ROPN1: variants seen among roughly 807,000 people sequenced by gnomAD.
ROPN1 encodes the protein rhophilin associated tail protein 1.
ROPN1 carries 14 observed loss-of-function variants against 20.5 expected under a neutral mutation model. The observed-to-expected ratio is 0.68, with a 90% CI of 0.45 to 1.07. ROPN1 has a LOEUF of 1.07. Among genes scored for constraint, ROPN1 ranks in the 50% least tolerant of loss-of-function variants. The probability of loss-of-function intolerance (pLI) is 0.00; values close to 1 mark genes in which losing one functional copy is unlikely to be tolerated. For synonymous variants in ROPN1, 76 were observed against 95.7 expected, an observed-to-expected ratio of 0.79 and a Z score of 1.20; for missense variants, 169 against 242.8, an observed-to-expected ratio of 0.70 and a Z score of 2.02.
intron 1 of ROPN1, chr3:123,991,272 G>T (rs2038404596): frequency 7.8e-6 from 1 of 128,874 alleles, no homozygotes; most frequent in Non-Finnish European, 1.6e-5. Context: ...CACCATCCCA[G>T]TGCCTAGCCC....
chr3:123,983,412 A>G (rs1180503591), intron 1 of ROPN1, among the ~76,000 whole-genome samples: 2 of 152,086 alleles, frequency 1.3e-5, no homozygotes. Context: ...TGGTTGTGCA[A>G]TTGTTTAATT....
At chr3:123,985,569 T>A (rs2038233660) in intron 1 of ROPN1, among the ~76,000 whole-genome samples, 1 of 152,224 alleles carries the variant, frequency 6.6e-6, no homozygotes, top group African/African-American at 2.4e-5. Flanking sequence ...TGGCTTTTGA[T>A]GTTAAACAAA....
chr3:123,986,286 TA>T (rs1331671768), intron 1 of ROPN1, among the ~76,000 whole-genome samples: 1 of 151,612 alleles, frequency 6.6e-6, no homozygotes, highest in Non-Finnish European at 1.5e-5. Flanking sequence ...AAAGGTAATT[TA>T]AAATTAAATA....
intron 1 of ROPN1, among the ~76,000 whole-genome samples, chr3:123,989,974 T>C (rs1022180966): frequency 6.6e-6 from 1 of 152,220 alleles, no homozygotes; most frequent in Non-Finnish European, 1.5e-5. Context: ...CCTTCATTAC[T>C]CCAATCCCAT....
At chr3:123,979,236 A>G (rs2038085538) in intron 2 of ROPN1, 1 of 351,112 alleles carries the variant, frequency 2.8e-6, no homozygotes, top group Non-Finnish European at 5.6e-6. Context: ...ACTGGCCCAG[A>G]GACTCCGAAA....
chr3:123,971,564 T>A (rs77918764), intron 4 of ROPN1, among the ~76,000 whole-genome samples: 1 of 152,154 alleles, frequency 6.6e-6, no homozygotes, highest in Non-Finnish European at 1.5e-5. Context: ...CTACTCACTT[T>A]CACTTAATTC....
Position 123,980,354 on chromosome 3 carries a change from A to G in ROPN1, c.116+12T>C, listed in dbSNP as rs200795656. On this transcript the variant is annotated intron_variant, in intron 2 of 5. Transcript: ENST00000405845. ...GTCCTCCAAGGGGTGAAGGCGAGAA[A>G]GGAGCACGTACTCGGCTGCCCACTG... 4 of 1,614,022 alleles carry G rather than the reference A, an allele frequency of 2.5e-6. No homozygotes were observed. Among genetic ancestry groups the G allele is most frequent in the South Asian group, 1.1e-5 (1 of 91,086 alleles).
intron 5 of ROPN1, 100 bp downstream of exon 5, chr3:123,969,933 AATACTTTTC>A: frequency 1.9e-6 from 2 of 1,061,862 alleles, no homozygotes; most frequent in Non-Finnish European, 2.7e-6. Flanking sequence ...TGTTTCTCAC[AATACTTTTC>A]TGTTTCCAGA....
intron 2 of ROPN1, 117 bp downstream of exon 2, chr3:123,980,249 A>T: frequency 1.1e-6 from 1 of 874,760 alleles, no homozygotes; most frequent in Non-Finnish European, 1.9e-6. Flanking sequence ...GCTAAAACAA[A>T]GACGATGCCA....
intron 1 of ROPN1, among the ~76,000 whole-genome samples, chr3:123,982,933 T>C (rs1341177954): frequency 6.6e-6 from 1 of 152,226 alleles, no homozygotes; most frequent in Non-Finnish European, 1.5e-5. Context: ...TGAATTTGAC[T>C]ATCATATAAA....
chr3:123,973,644 C>G (rs1410874268), intron 4 of ROPN1, among the ~76,000 whole-genome samples: 3 of 152,140 alleles, frequency 2.0e-5, no homozygotes, highest in Non-Finnish European at 4.4e-5. Context: ...CAAAGTCACT[C>G]TTTGTTACTG....
chr3:123,987,343 C>G (rs1484400798), intron 1 of ROPN1, among the ~76,000 whole-genome samples: 2 of 152,182 alleles, frequency 1.3e-5, no homozygotes, highest in African/African-American at 4.8e-5. Context: ...CCAGCTTTCT[C>G]CCCCTTCAGC....
At chr3:123,969,475 C>G (rs1183070060) in intron 5 of ROPN1, among the ~76,000 whole-genome samples, 1 of 152,204 alleles carries the variant, frequency 6.6e-6, no homozygotes, top group African/African-American at 2.4e-5. Flanking sequence ...ACACATACCA[C>G]CACGCCTAGC....
chr3:123,984,262 C>G (rs564018628), intron 1 of ROPN1, among the ~76,000 whole-genome samples: 1 of 152,174 alleles, frequency 6.6e-6, no homozygotes, highest in African/African-American at 2.4e-5. Context: ...CTATTTCATA[C>G]TTCCCATTGC....
chr3:123,980,319 G>T (rs775861046), intron 2 of ROPN1, 47 bp downstream of exon 2: 47 of 1,595,512 alleles, frequency 2.9e-5, no homozygotes, highest in Admixed American at 5.0e-5. Context: ...AGGACCCTCT[G>T]TCTCCGGCCG....
intron 1 of ROPN1, among the ~76,000 whole-genome samples, chr3:123,985,963 A>G (rs1323083715): frequency 3.2e-5 from 4 of 123,940 alleles, no homozygotes; most frequent in Admixed American, 2.0e-4. Flanking sequence ...GCTGTACTCT[A>G]GCCTGGGTGA....
intron 1 of ROPN1, among the ~76,000 whole-genome samples, chr3:123,983,268 G>T (rs766175941): frequency 3.9e-5 from 6 of 151,950 alleles, no homozygotes; most frequent in Admixed American, 6.6e-5. Flanking sequence ...TTTAAATTGT[G>T]TTGGGTATAT....
At chr3:123,985,245 C>T (rs534451879) in intron 1 of ROPN1, among the ~76,000 whole-genome samples, 42 of 152,342 alleles carry the variant, frequency 2.8e-4, no homozygotes, top group Admixed American at 5.9e-4. Context: ...CTGCCAGAGA[C>T]GCCTTTATAG....
intron 4 of ROPN1, chr3:123,975,116 T>C (rs1231110918): frequency 2.1e-6 from 1 of 486,504 alleles, no homozygotes; most frequent in Non-Finnish European, 3.8e-6. Context: ...CTGAGGGCAA[T>C]ATTCATAAAT....
Sources: gnomAD v4.1 joint callset for allele counts (sites outside exome capture counted in the v4.1 genomes callset) on GRCh38, gnomAD v4.1.1 for gene constraint, MANE v1.5 for transcripts, NCBI Gene and HGNC (gene_info 2026-07-23, HGNC 2026-07-21) for gene names.